Variants in CFAP54 observed in about 807,000 individuals in gnomAD.
CFAP54 encodes cilia- and flagella-associated protein 54.
CFAP54 carries 290 observed loss-of-function variants against 370.4 expected under a neutral mutation model. That is an observed-to-expected ratio of 0.78 (90% CI 0.71 to 0.86). The LOEUF is 0.86. Ranked by LOEUF, CFAP54 falls within the 40% of genes least tolerant of loss-of-function variation. The probability of loss-of-function intolerance (pLI) is 0.00; values close to 1 mark genes in which losing one functional copy is unlikely to be tolerated. For synonymous variants in CFAP54, 1,206 were observed against 1,236.5 expected, an observed-to-expected ratio of 0.98 and a Z score of 0.52; for missense variants, 3,399 against 3,528.7, an observed-to-expected ratio of 0.96 and a Z score of 0.93.
chr12:96,714,158 G>C (rs1957647510), intron 48 of CFAP54, among the ~76,000 whole-genome samples: 1 of 152,196 alleles, frequency 6.6e-6, no homozygotes, highest in Non-Finnish European at 1.5e-5. Context: ...AATAATTCAA[G>C]TTAGAACTTA....
chr12:96,742,634 T>C (rs779314988), intron 52 of CFAP54, 48 bp downstream of exon 52: 2 of 1,528,864 alleles, frequency 1.3e-6, no homozygotes, highest in Non-Finnish European at 1.8e-6. Context: ...TAATTTTACA[T>C]AGGTGAAGAG....
intron 55 of CFAP54, 131 bp from the exon 56 acceptor site, chr12:96,753,612 G>T: frequency 1.2e-6 from 1 of 819,712 alleles, no homozygotes; most frequent in Admixed American, 2.7e-5. Flanking sequence ...TTTCTTGGAT[G>T]CTAAAAACTG....
At chr12:96,645,218 A>T (rs975483126) in intron 33 of CFAP54, 9 of 455,650 alleles carry the variant, frequency 2.0e-5, no homozygotes, top group Non-Finnish European at 3.5e-5. Flanking sequence ...AAAATAGAAG[A>T]TACATACATA....
rs57089692 is a variant in CFAP54 at position 96,647,472 on chromosome 12, C to CAAAAAAAAAAAAAAAAAAAAA, written c.4548-399_4548-379dup. ...TGGGCGACAGAGCGAGACTCTGTCC[C>CAAAAAAAAAAAAAAAAAAAAA]AAAAAAAAAAAAAAAAAAAAAAAAG... On this transcript the variant is annotated intron_variant, in intron 33 of 67. Coordinates refer to ENST00000524981, the MANE Select transcript of CFAP54 (RefSeq NM_001306084.2). 1.2e-3 allele frequency among the ~76,000 whole-genome samples: 47 copies of CAAAAAAAAAAAAAAAAAAAAA among 40,768 alleles called. 8 individuals are homozygous for CAAAAAAAAAAAAAAAAAAAAA. Among genetic ancestry groups the CAAAAAAAAAAAAAAAAAAAAA allele is most frequent in the Admixed American group, 3.0e-3 (6 of 1,978 alleles). 26.7% of individuals were successfully genotyped at this position (40,768 alleles called of 152,430 possible).
At chr12:96,824,506 G>A (rs1777490865) in intron 65 of CFAP54, among the ~76,000 whole-genome samples, 1 of 152,070 alleles carries the variant, frequency 6.6e-6, no homozygotes, top group South Asian at 2.1e-4. Flanking sequence ...TATTTAGACA[G>A]AAAGCATACC....
intron 60 of CFAP54, among the ~76,000 whole-genome samples, chr12:96,769,322 C>T (rs988061094): frequency 3.9e-5 from 6 of 152,146 alleles, no homozygotes; most frequent in South Asian, 2.1e-4. Flanking sequence ...ACTACATAAA[C>T]AATATATACA....
At chr12:96,858,694 A>G (rs574023720) in intron 66 of CFAP54, among the ~76,000 whole-genome samples, 1 of 152,334 alleles carries the variant, frequency 6.6e-6, no homozygotes, top group South Asian at 2.1e-4. Flanking sequence ...CATGGAGGTG[A>G]AAGATCCCTG....
At chr12:96,812,688 A>G (rs1442098592) in intron 64 of CFAP54, among the ~76,000 whole-genome samples, 2 of 152,118 alleles carry the variant, frequency 1.3e-5, no homozygotes, top group Non-Finnish European at 2.9e-5. Context: ...TTTTCCATCA[A>G]TGGCTTGGTA....
At chr12:96,760,667 G>A (rs11108676) in intron 58 of CFAP54, among the ~76,000 whole-genome samples, 55,164 of 151,872 alleles carry the variant, frequency 0.36, 10,742 homozygotes, top group East Asian at 0.58. Context: ...CGAGTAGCTC[G>A]GACTACAGGC....
rs564926546 is a variant in CFAP54 at position 96,552,396 on chromosome 12, T to G, written c.2155-1786T>G. Among the ~76,000 whole-genome samples the G allele has an allele frequency of 1.3e-3, 198 of 152,160 alleles. 1 individual carries two copies. Among genetic ancestry groups the G allele is most frequent in the African/African-American group, 4.6e-3 (192 of 41,522 alleles). Reference sequence around the variant, plus strand: ...TCTCACTCTGTTACCCAGGCTGGAGTGCAGTGGCATGATCAGGGCTCACTG... The same window carrying G: ...TCTCACTCTGTTACCCAGGCTGGAGGGCAGTGGCATGATCAGGGCTCACTG... On this transcript the variant is annotated intron_variant, in intron 15 of 67. Transcript: ENST00000524981.
chr12:96,775,461 A>G (rs1958507952), intron 60 of CFAP54, among the ~76,000 whole-genome samples: 1 of 152,142 alleles, frequency 6.6e-6, no homozygotes, highest in Non-Finnish European at 1.5e-5. Flanking sequence ...GTGGACATTG[A>G]CATTTAAGTT....
At chr12:96,713,107 A>G (rs10745768) in intron 48 of CFAP54, among the ~76,000 whole-genome samples, 131,208 of 152,224 alleles carry the variant, frequency 0.86, 56,961 homozygotes, top group African/African-American at 0.96. Context: ...AATTAGTACA[A>G]CAACTATTGA....
chr12:96,685,324 C>T, intron 42 of CFAP54, 86 bp downstream of exon 42: 1 of 1,142,316 alleles, frequency 8.8e-7, no homozygotes, highest in South Asian at 1.3e-5. Flanking sequence ...TGCTATGCCT[C>T]ATGCACACTG....
chr12:96,595,495 G>A (rs781163307), intron 25 of CFAP54, among the ~76,000 whole-genome samples: 46 of 152,132 alleles, frequency 3.0e-4, no homozygotes, highest in Non-Finnish European at 5.0e-4. Flanking sequence ...GATCATCACT[G>A]ACACATTTTT....
intron 49 of CFAP54, among the ~76,000 whole-genome samples, chr12:96,718,863 A>G (rs1481326217): frequency 6.6e-6 from 1 of 152,176 alleles, no homozygotes; most frequent in East Asian, 1.9e-4. Context: ...ACATGGAGAA[A>G]TCCTGTCTCT....
At chr12:96,526,009 G>C (rs1411994710) in intron 8 of CFAP54, among the ~76,000 whole-genome samples, 1 of 152,226 alleles carries the variant, frequency 6.6e-6, no homozygotes, top group African/African-American at 2.4e-5. Flanking sequence ...TAACATGTCA[G>C]TTGATCTATG....
chr12:96,673,365 CAAG>C, intron 39 of CFAP54, among the ~76,000 whole-genome samples: 1 of 152,292 alleles, frequency 6.6e-6, no homozygotes, highest in Non-Finnish European at 1.5e-5. Context: ...TTACAGCATT[CAAG>C]AAGAAGTTTG....
chr12:96,648,034 A>T lies in CFAP54; in HGVS notation c.4690+17A>T. On this transcript the variant is annotated intron_variant, in intron 34 of 67. Coordinates refer to ENST00000524981, the MANE Select transcript of CFAP54 (RefSeq NM_001306084.2). Reference sequence around the variant, plus strand: ...TACCATCAGGTAAAATAAACATGTTAGTTTATTATTAAATTACCTCTAGAT... The same window carrying T: ...TACCATCAGGTAAAATAAACATGTTTGTTTATTATTAAATTACCTCTAGAT... 1 of 1,478,980 alleles carries T rather than the reference A, an allele frequency of 6.8e-7. No homozygotes were observed. The highest frequency in any genetic ancestry group is 8.9e-7 in the Non-Finnish European group (1 of 1,122,084). 91.6% of individuals were successfully genotyped at this position (1,478,980 alleles called of 1,614,324 possible).
intron 49 of CFAP54, 50 bp downstream of exon 49, chr12:96,718,572 C>T (rs1302102346): frequency 8.8e-7 from 1 of 1,130,054 alleles, no homozygotes; most frequent in South Asian, 1.3e-5. Context: ...CAAAAATCCA[C>T]TATTAGGCCC....
Sources: gnomAD v4.1 joint callset for allele counts (sites outside exome capture counted in the v4.1 genomes callset) on GRCh38, gnomAD v4.1.1 for gene constraint, MANE v1.5 for transcripts, NCBI Gene and HGNC (gene_info 2026-07-23, HGNC 2026-07-21) for gene names.